ERGIC3: variants seen among roughly 807,000 people sequenced by gnomAD.
The protein encoded by ERGIC3 is ERGIC and golgi 3.
Under a neutral mutation model 54.7 loss-of-function variants are expected in ERGIC3, and 33 were observed. That is an observed-to-expected ratio of 0.60 (90% CI 0.46 to 0.81). The LOEUF (loss-of-function observed/expected upper bound fraction) is 0.81, where lower values mean the gene tolerates loss of function less well. ERGIC3 is among the 30% of genes least tolerant of loss of function. The pLI, the probability that ERGIC3 is intolerant of heterozygous loss-of-function variation, is 0.00. For missense variants in ERGIC3, 399 were observed against 488.4 expected (o/e 0.82, Z 1.73); for synonymous variants, 186 against 189.8 (o/e 0.98, Z 0.16).
chr20:35,544,296 C>T lies in ERGIC3; in HGVS notation c.367+1355C>T, dbSNP rs563768574. On this transcript the variant is annotated intron_variant, in intron 4 of 12. Transcript: ENST00000348547. ...GTCTTGATCTCTTGACCTTGTGATC[C>T]ACCCGCCTCAGCCTTCCAAAGTGCT... 65 of 193,604 alleles carry T rather than the reference C, an allele frequency of 3.4e-4. No homozygotes were observed. The South Asian group carries it at 5.9e-3, about 18-fold the overall frequency. 12.0% of individuals were successfully genotyped at this position (193,604 alleles called of 1,614,324 possible).
Position 35,548,832 on chromosome 20 carries a change from C to G in ERGIC3, c.652C>G (p.Pro218Ala). 1 of 1,614,194 alleles carries G rather than the reference C, an allele frequency of 6.2e-7. No homozygotes were observed. The highest frequency in any genetic ancestry group is 2.2e-5 in the East Asian group (1 of 44,878). Residue 218 changes from proline (P) to alanine (A), a missense_variant, in exon 7 of 13, where the codon CCT (proline) becomes GCT (alanine). By Grantham distance (27) the Pro-to-Ala change is conservative. Coordinates refer to ENST00000348547, the MANE Select transcript of ERGIC3 (RefSeq NM_015966.3). ...NKVAGNFHFAPGKSFQQSHVH... is the reference protein window; with the variant it reads ...NKVAGNFHFAAGKSFQQSHVH... ...GGTGGCCGGAAACTTCCACTTTGCC[C>G]CTGGGAAGAGCTTCCAGCAGTCCCA...
chr20:35,548,441 A>G (rs1365363005), intron 5 of ERGIC3, 68 bp from the exon 6 acceptor site: 15 of 1,556,458 alleles, frequency 9.6e-6, no homozygotes, highest in East Asian at 2.2e-5. Context: ...CTCGGGCTCT[A>G]TTTCCCCAGA....
chr20:35,549,106 T>A (rs914366059), intron 7 of ERGIC3: 2 of 618,576 alleles, frequency 3.2e-6, no homozygotes, highest in Non-Finnish European at 3.1e-6. Flanking sequence ...GGTTTCTTAA[T>A]CTTTTTGACT....
chr20:35,552,050 T>G (rs2064684670), intron 7 of ERGIC3, among the ~76,000 whole-genome samples: 1 of 152,180 alleles, frequency 6.6e-6, no homozygotes, highest in Non-Finnish European at 1.5e-5. Context: ...GACGAGACAG[T>G]GACCGGAGTG....
intron 7 of ERGIC3, chr20:35,554,361 C>G (rs778684359): frequency 1.2e-6 from 2 of 1,614,196 alleles, no homozygotes; most frequent in South Asian, 1.1e-5. Flanking sequence ...CCTCCCTCCC[C>G]CATGCTGCAG....
chr20:35,542,917 G>A lies in ERGIC3; in HGVS notation c.343G>A (p.Val115Met), dbSNP rs779750939. 1.2e-5 allele frequency: 20 copies of A among 1,613,948 alleles called. No homozygotes were observed. Among genetic ancestry groups the A allele is most frequent in the Non-Finnish European group, 1.7e-5 (20 of 1,180,008 alleles). Residue 115 changes from valine to methionine, a missense_variant, in exon 4 of 13, where the codon GTG becomes ATG. Val to Met is a conservative substitution (Grantham distance 21). Transcript: ENST00000348547. ...ACGACTAGATAAAGATGGCATCCCC[G>A]TGAGCTCAGAGGCTGAGCGGCATGG... ...KQRLDKDGIP[V>M]SSEAERHELG...
chr20:35,557,150 G>A, intron 11 of ERGIC3, 41 bp downstream of exon 11: 1 of 1,614,226 alleles, frequency 6.2e-7, no homozygotes, highest in Non-Finnish European at 8.5e-7. Flanking sequence ...GCCTGGGCCT[G>A]AGGGAGGAGG....
rs1344774287 is a variant in ERGIC3, at chr20:35,542,570, G to A, written c.217G>A (p.Asp73Asn). The A allele has an allele frequency of 1.2e-6, 2 of 1,613,816 alleles. No individual in the cohort carries two copies. Among genetic ancestry groups the A allele is most frequent in the African/African-American group, 2.7e-5 (2 of 74,858 alleles). The change falls in exon 3 of 13, where the codon GAT becomes AAT. Residue 73 changes from aspartate (D) to asparagine (N), a missense_variant. Transcript: ENST00000348547. ...SRGDKLKINI[D>N]VLFPHMPCAY... ...GGGAGATAAACTGAAGATCAACATC[G>A]ATGTACTTTTTCCGCACATGCCTTG...
At chr20:35,555,449 A>G (rs2064705796) in intron 8 of ERGIC3, among the ~76,000 whole-genome samples, 1 of 152,178 alleles carries the variant, frequency 6.6e-6, no homozygotes, top group Non-Finnish European at 1.5e-5. Context: ...TCATGAGAAC[A>G]GTGGAAAGCT....
chr20:35,551,449 TG>T (rs2064681359), intron 7 of ERGIC3, among the ~76,000 whole-genome samples: 1 of 152,026 alleles, frequency 6.6e-6, no homozygotes, highest in Non-Finnish European at 1.5e-5. Flanking sequence ...ACACCCAAGG[TG>T]TCAAGTAAGT....
In ERGIC3 at chr20:35,542,916, C is replaced by A. The variant is rs570834269; in HGVS notation, c.342C>A (p.Pro114=). 1.9e-6 allele frequency: 3 copies of A among 1,613,982 alleles called. No individual in the cohort carries two copies. The highest frequency in any genetic ancestry group is 1.7e-6 in the Non-Finnish European group (2 of 1,179,968). Residue 114 remains proline (P), a synonymous_variant, in exon 4 of 13, where the codon CCC becomes CCA. Transcript: ENST00000348547. ...AACGACTAGATAAAGATGGCATCCC[C>A]GTGAGCTCAGAGGCTGAGCGGCATG... ...FKQRLDKDGI[P]VSSEAERHEL... is the part of the protein sequence containing the mutation.
Position 35,542,831 on chromosome 20 carries a change from T to C in ERGIC3, c.257T>C (p.Ile86Thr), listed in dbSNP as rs1304060150. 1.2e-6 allele frequency: 2 copies of C among 1,613,958 alleles called. No individual in the cohort carries two copies. Among genetic ancestry groups the C allele is most frequent in the Non-Finnish European group, 1.7e-6 (2 of 1,180,010 alleles). Residue 86 changes from isoleucine (I) to threonine (T), a missense_variant, in exon 4 of 13, where the codon ATT becomes ACT. Ile to Thr is a moderately conservative substitution (Grantham distance 89, BLOSUM62 -1). Coordinates refer to ENST00000348547, the MANE Select transcript of ERGIC3 (RefSeq NM_015966.3). ...ATTTTCCTGCTTCCAGATCTGAGTA[T>C]TGATGCCATGGATGTGGCCGGAGAA... ...FPHMPCAYLS[I>T]DAMDVAGEQQ...
chr20:35,555,256 G>A lies in ERGIC3; in HGVS notation c.717+181G>A, dbSNP rs115232008. On this transcript the variant is annotated intron_variant, in intron 8 of 12. Transcript: ENST00000348547. ...GACTTTTGAACTGAACTCTGAGCAGGCTAGGGGCAAGATTGGGGTTGGATA... is the reference window on the plus strand; with the variant it reads ...GACTTTTGAACTGAACTCTGAGCAGACTAGGGGCAAGATTGGGGTTGGATA... Among the ~76,000 whole-genome samples the A allele has an allele frequency of 8.1e-3, 1,235 of 152,204 alleles. 19 individuals are homozygous for A. Among genetic ancestry groups the A allele is most frequent in the African/African-American group, 0.028 (1,182 of 41,500 alleles).
At chr20:35,549,635 A>C in intron 7 of ERGIC3, 1 of 163,626 alleles carries the variant, frequency 6.1e-6, no homozygotes, top group Non-Finnish European at 1.3e-5. Flanking sequence ...TCACTTAACG[A>C]TATTTTCTTT....
At position 35,548,621 on chromosome 20, in the gene ERGIC3, C is replaced by T. The variant is rs1175888276; in HGVS notation, c.574C>T (p.Gln192Ter). 6.2e-7 allele frequency: 1 copy of T among 1,614,066 alleles called. No homozygotes were observed. Among genetic ancestry groups the T allele is most frequent in the African/African-American group, 1.3e-5 (1 of 74,934 alleles). ...CRREGFSQKM[Q>*]EQKNEGCQVY... is the part of the protein sequence containing the mutation. ...GCGAGAGGGCTTCAGCCAGAAGATG[C>T]AGGAGCAGAAGAATGAAGGCTGCCA... The change falls in exon 6 of 13, where the codon CAG becomes TAG. Residue 192 changes from glutamine (Q) to a stop codon, truncating the protein, a stop_gained. Transcript: ENST00000348547. LOFTEE classifies it high-confidence loss of function.
At chr20:35,556,299 C>G (rs768592534) in intron 10 of ERGIC3, 28 bp downstream of exon 10, 20 of 1,612,476 alleles carry the variant, frequency 1.2e-5, no homozygotes. Flanking sequence ...CTACCAGAGT[C>G]TCCTGCGCGG....
chr20:35,549,192 C>T (rs541205341), intron 7 of ERGIC3: 32 of 485,028 alleles, frequency 6.6e-5, no homozygotes, highest in Admixed American at 2.3e-4. Flanking sequence ...GATGATAGCA[C>T]GGAGCCTGGC....
intron 4 of ERGIC3, among the ~76,000 whole-genome samples, chr20:35,546,935 T>C (rs1391817767): frequency 6.6e-6 from 1 of 152,018 alleles, no homozygotes; most frequent in African/African-American, 2.4e-5. Context: ...CCAGTTATGA[T>C]GGGGTGATTA....
At chr20:35,542,434 C>CTAGGAGTAGGACCTTTAGGGG in intron 2 of ERGIC3, 41 bp downstream of exon 2, 1 of 1,613,782 alleles carries the variant, frequency 6.2e-7, no homozygotes, top group Non-Finnish European at 8.5e-7. Context: ...GCTTGGCATT[C>CTAGGAGTAGGACCTTTAGGGG]TAGGAGTAGG....
Sources: gnomAD v4.1 joint callset for allele counts (sites outside exome capture counted in the v4.1 genomes callset) on GRCh38, gnomAD v4.1.1 for gene constraint, MANE v1.5 for transcripts, NCBI Gene and HGNC (gene_info 2026-07-23, HGNC 2026-07-21) for gene names.